Variants in WWOX observed in about 807,000 individuals in gnomAD.
WWOX encodes the protein WW domain containing oxidoreductase.
WWOX carries 69 observed loss-of-function variants against 46.2 expected under a neutral mutation model. That is an observed-to-expected ratio of 1.49 (90% CI 1.23 to 1.82). The LOEUF (loss-of-function observed/expected upper bound fraction) is 1.82, where lower values mean the gene tolerates loss of function less well. Ranked by LOEUF, WWOX falls within the 40% of genes most tolerant of loss-of-function variation. WWOX has a pLI of 0.00. For synonymous variants in WWOX, 359 were observed against 202.6 expected (o/e 1.77, Z -6.56); for missense variants, 919 against 542.6 (o/e 1.69, Z -6.89).
At chr16:79,005,157 C>G (rs140216929) in intron 8 of WWOX, among the ~76,000 whole-genome samples, 7 of 152,214 alleles carry the variant, frequency 4.6e-5, no homozygotes, top group African/African-American at 1.2e-4. Flanking sequence ...TTCTCTTTTG[C>G]TTGCCTTGTG....
chr16:79,130,734 C>G (rs1225238433), intron 8 of WWOX, among the ~76,000 whole-genome samples: 1 of 152,224 alleles, frequency 6.6e-6, no homozygotes, highest in Non-Finnish European at 1.5e-5. Flanking sequence ...CCAGATTTGA[C>G]TTGTAATCGC....
chr16:78,870,830 G>C (rs117536890), intron 8 of WWOX, among the ~76,000 whole-genome samples: 1,888 of 152,280 alleles, frequency 0.012, 17 homozygotes, highest in Non-Finnish European at 0.021. Flanking sequence ...TCGAACTCCT[G>C]AGCTTAGGCA....
intron 8 of WWOX, among the ~76,000 whole-genome samples, chr16:78,451,194 A>T (rs1029503473): frequency 2.0e-5 from 3 of 151,928 alleles, no homozygotes; most frequent in Non-Finnish European, 4.4e-5. Flanking sequence ...TAGAAATTAA[A>T]CTCACCTTTG....
At chr16:78,972,160 C>G (rs1182151058) in intron 8 of WWOX, among the ~76,000 whole-genome samples, 1 of 152,206 alleles carries the variant, frequency 6.6e-6, no homozygotes, top group Non-Finnish European at 1.5e-5. Flanking sequence ...GGCAGAGCAA[C>G]TTCATTTCCA....
At chr16:78,199,518 A>C (rs2036165018) in intron 5 of WWOX, among the ~76,000 whole-genome samples, 1 of 152,106 alleles carries the variant, frequency 6.6e-6, no homozygotes. Flanking sequence ...TGACCTTTGT[A>C]CTACCCAGGA....
intron 8 of WWOX, among the ~76,000 whole-genome samples, chr16:78,787,596 C>G (rs550592622): frequency 4.6e-5 from 7 of 152,154 alleles, no homozygotes; most frequent in Non-Finnish European, 8.8e-5. Context: ...TACTTGTTGG[C>G]TGTTACGAAT....
At chr16:78,685,449 C>T (rs115464611) in intron 8 of WWOX, among the ~76,000 whole-genome samples, 2,955 of 152,234 alleles carry the variant, frequency 0.019, 109 homozygotes, top group African/African-American at 0.067. Flanking sequence ...CTAATAGTCA[C>T]TTTTGTTATA....
chr16:78,621,204 G>C (rs1322272580), intron 8 of WWOX, among the ~76,000 whole-genome samples: 1 of 152,162 alleles, frequency 6.6e-6, no homozygotes, highest in African/African-American at 2.4e-5. Context: ...AAACATTAAA[G>C]TTAATGGCCA....
chr16:78,427,112 A>C (rs1428549981), intron 7 of WWOX, among the ~76,000 whole-genome samples: 1 of 152,178 alleles, frequency 6.6e-6, no homozygotes, highest in African/African-American at 2.4e-5. Context: ...CTCACTACCC[A>C]AGAACTCAGG....
Position 79,196,486 on chromosome 16 carries a change from G to C in WWOX, c.1057-15122G>C, listed in dbSNP as rs372134391. On this transcript the variant is annotated intron_variant, in intron 8 of 8. Coordinates refer to ENST00000566780, the MANE Select transcript of WWOX (RefSeq NM_016373.4). The stretch of plus-strand genomic sequence containing the variant: ...GGGTTATCTCTGCTCACTTAGGTTT[G>C]TGATGTTGGGCAAAAGGAGAAAATG... 3 of 152,266 alleles carry C rather than the reference G, an allele frequency of 2.0e-5. No homozygotes were observed. In the East Asian group the frequency reaches 5.8e-4, roughly 29 times the overall value. The allele number at this position is 152,266 out of a possible 1,614,324, so 9.4% of individuals were successfully genotyped here.
intron 5 of WWOX, among the ~76,000 whole-genome samples, chr16:78,376,426 C>T (rs72796049): frequency 0.053 from 8,083 of 152,188 alleles, 281 homozygotes; most frequent in East Asian, 0.12. Context: ...CTGTTCTTAT[C>T]TTGGGGCAGT....
At chr16:78,726,778 T>G (rs1051155047) in intron 8 of WWOX, among the ~76,000 whole-genome samples, 17 of 151,400 alleles carry the variant, frequency 1.1e-4, no homozygotes, top group African/African-American at 3.4e-4. Context: ...GTGGTGAGAG[T>G]TGCATGGGGC....
intron 8 of WWOX, among the ~76,000 whole-genome samples, chr16:78,501,776 A>T (rs2151476147): frequency 6.6e-6 from 1 of 152,172 alleles, no homozygotes; most frequent in East Asian, 1.9e-4. Context: ...ACCTGAAGTG[A>T]TCCACCCACC....
rs753735406 is a variant in WWOX at position 78,377,929 on chromosome 16, C to T, written c.517-8931C>T. Among the ~76,000 whole-genome samples, 59 of 151,962 alleles carry T rather than the reference C, an allele frequency of 3.9e-4. 1 individual carries two copies. Among genetic ancestry groups the T allele is most frequent in the Non-Finnish European group, 8.1e-4 (55 of 68,008 alleles). On this transcript the variant is annotated intron_variant, in intron 5 of 8. Transcript: ENST00000566780. ...AGCAACACAAGGCAAAAATTTTGGC[C>T]TGTATGTAATGAAGGAAGAGTTGTC...
chr16:78,650,159 TA>T (rs915843676), intron 8 of WWOX, among the ~76,000 whole-genome samples: 3 of 152,078 alleles, frequency 2.0e-5, no homozygotes, highest in Non-Finnish European at 4.4e-5. Flanking sequence ...TTAAGGAAAA[TA>T]AAAAAGAGTG....
At chr16:78,673,759 C>G (rs1026254350) in intron 8 of WWOX, among the ~76,000 whole-genome samples, 1 of 152,186 alleles carries the variant, frequency 6.6e-6, no homozygotes, top group Non-Finnish European at 1.5e-5. Flanking sequence ...CCTTAATTAT[C>G]CATGTTATTT....
chr16:78,371,346 C>G (rs569307966), intron 5 of WWOX, among the ~76,000 whole-genome samples: 64 of 152,208 alleles, frequency 4.2e-4, no homozygotes, highest in African/African-American at 1.5e-3. Flanking sequence ...AAAAAGTGTA[C>G]TTTTTGTGAT....
chr16:78,400,604 C>T (rs1020375755), intron 6 of WWOX, among the ~76,000 whole-genome samples: 2 of 151,978 alleles, frequency 1.3e-5, no homozygotes, highest in Non-Finnish European at 2.9e-5. Context: ...CTTGGTTTTT[C>T]TCCTCTTACC....
chr16:79,136,627 CTGG>C (rs2049986780), intron 8 of WWOX, among the ~76,000 whole-genome samples: 1 of 152,174 alleles, frequency 6.6e-6, no homozygotes, highest in Non-Finnish European at 1.5e-5. Flanking sequence ...CTGCCCTTCA[CTGG>C]TGGTCAGTGC....
Sources: gnomAD v4.1 joint callset for allele counts (sites outside exome capture counted in the v4.1 genomes callset) on GRCh38, gnomAD v4.1.1 for gene constraint, MANE v1.5 for transcripts, NCBI Gene and HGNC (gene_info 2026-07-23, HGNC 2026-07-21) for gene names.